Variants in SARM1 observed in about 807,000 individuals in gnomAD.
SARM1 encodes sterile alpha and TIR motif containing 1, also known as NAD(+) hydrolase SARM1.
In SARM1, 60 loss-of-function variants were observed where a neutral mutation model predicts 65.1. The ratio of observed to expected loss-of-function variants is 0.92; its 90% CI spans 0.75 to 1.14. The LOEUF (loss-of-function observed/expected upper bound fraction) is 1.14. Among genes scored for constraint, SARM1 ranks in the 50% most tolerant of loss-of-function variants. SARM1 has a pLI of 0.00. For synonymous variants in SARM1, 417 were observed against 465.4 expected, an observed-to-expected ratio of 0.90 and a Z score of 1.34; for missense variants, 913 against 1,015.7, an observed-to-expected ratio of 0.90 and a Z score of 1.37.
Position 28,388,927 on chromosome 17 carries a change from C to A in SARM1, c.1923+388C>A, listed in dbSNP as rs572988331. Among the ~76,000 whole-genome samples the A allele has an allele frequency of 1.7e-4, 26 of 152,092 alleles. 1 individual carries two copies. The highest frequency in any genetic ancestry group is 6.3e-4 in the African/African-American group (26 of 41,480). On this transcript the variant is annotated intron_variant, in intron 7 of 8. Transcript: ENST00000585482. The stretch of plus-strand genomic sequence containing the variant: ...CTGGGACTACAGGTGCCCGCCACCA[C>A]GGCTGGCTAATTTTTTTGTATTTTT...
chr17:28,385,040 G>T lies in SARM1; in HGVS notation c.1395G>T (p.Arg465Ser), dbSNP rs1210258116. ...GCGTCTTCTCCTCCGTGGGGTGCAG[G>T]TTCTTTAGGGAGCTCACGGAGCTCA... is the stretch of plus-strand genomic sequence containing the variant. ...LGMKSGITRK[R>S]FFRELTELKT... Residue 465 changes from arginine (R) to serine (S), a missense_variant and splice_region_variant, in exon 5 of 9, where the codon AGG (arginine) becomes AGT (serine). By Grantham distance (110) the Arg-to-Ser change is moderately radical. Around this residue, in one of 3 missense-constraint regions of SARM1, gnomAD observed 862 missense variants for 952.1 expected, o/e 0.91. Transcript: ENST00000585482. This position sits in a 1 kb window ranked among gnomAD's most constrained non-coding sequence, Gnocchi z 4.5. The T allele has an allele frequency of 6.2e-7, 1 of 1,612,970 alleles. No homozygotes were observed. Among genetic ancestry groups the T allele is most frequent in the African/African-American group, 1.3e-5 (1 of 74,908 alleles).
intron 7 of SARM1, among the ~76,000 whole-genome samples, chr17:28,390,391 CCT>C (rs1555586701): frequency 6.6e-6 from 1 of 151,896 alleles, no homozygotes; most frequent in East Asian, 1.9e-4. Flanking sequence ...TTGATTATCT[CCT>C]GAGTCCGGAA....
Position 28,381,680 on chromosome 17 carries a change from C to A in SARM1, c.948C>A (p.Ser316Arg), listed in dbSNP as rs782362670. Residue 316 changes from serine (S) to arginine (R), a missense_variant, in exon 2 of 9, where the codon AGC (serine) becomes AGA (arginine). By Grantham distance (110) the Ser-to-Arg change is moderately radical (BLOSUM62 -1). Transcript: ENST00000585482. Reference sequence around the variant, plus strand: ...TCGCCCGCTGTCTGGTGGACGCCAGCGACACAAGCCAGGGCCGCGGGCCCG... The same window carrying A: ...TCGCCCGCTGTCTGGTGGACGCCAGAGACACAAGCCAGGGCCGCGGGCCCG... ...GRFARCLVDA[S>R]DTSQGRGPDD... 1.5e-5 allele frequency: 23 copies of A among 1,559,506 alleles called. No homozygotes were observed. In the South Asian group the frequency reaches 2.5e-4, roughly 17 times the overall value.
chr17:28,382,986 C>T lies in SARM1; in HGVS notation c.1089+1165C>T, dbSNP rs117115849. ...GAGATGTGGTGCATACCCCATGACC[C>T]ACCTTGTCTGTACCCCAGCTGTCAT... On this transcript the variant is annotated intron_variant, in intron 2 of 8. Coordinates refer to ENST00000585482, the MANE Select transcript of SARM1 (RefSeq NM_015077.4). 8.8e-4 allele frequency among the ~76,000 whole-genome samples: 134 copies of T among 152,336 alleles called. 3 individuals carry two copies. The East Asian group carries it at 0.025, about 28-fold the overall frequency.
chr17:28,394,985 T>C (rs1019866878), intron 7 of SARM1: 7 of 151,024 alleles, frequency 4.6e-5, no homozygotes, highest in African/African-American at 1.7e-4. Context: ...GGGAGTCTTA[T>C]CTCTGGTGCC....
rs1555586435 is a variant in SARM1, at chr17:28,388,530, G to A, written c.1914G>A (p.Trp638Ter). 1.2e-6 allele frequency: 2 copies of A among 1,613,032 alleles called. No individual in the cohort carries two copies. The highest frequency in any genetic ancestry group is 1.3e-5 in the African/African-American group (1 of 75,034). Residue 638 changes from tryptophan (W) to a stop codon, truncating the protein, a stop_gained, in exon 7 of 9, where the codon TGG (tryptophan) becomes TGA (stop). Transcript: ENST00000585482. LOFTEE classifies it high-confidence loss of function. ...TGCAAGACCATGACTGCAAGGATTG[G>A]GTGCATAAGGTAGGTGCCTGCCTAT... is the stretch of plus-strand genomic sequence containing the variant. ...KCMQDHDCKDWVHKEIVTALS... is the reference protein window; with the variant it reads ...KCMQDHDCKD
chr17:28,379,369 G>A (rs1215415068), intron 1 of SARM1, among the ~76,000 whole-genome samples: 1 of 133,276 alleles, frequency 7.5e-6, no homozygotes, highest in Non-Finnish European at 1.5e-5. Flanking sequence ...GGAGTGCAGT[G>A]GTGCCATCTT....
intron 7 of SARM1, among the ~76,000 whole-genome samples, chr17:28,394,006 G>A (rs1456936950): frequency 1.3e-5 from 2 of 152,222 alleles, no homozygotes; most frequent in Admixed American, 6.5e-5. Context: ...TTATCAAGGG[G>A]GAAGGACAAG....
Position 28,381,227 on chromosome 17 carries a change from G to A in SARM1, c.495G>A (p.Leu165=). 6.2e-7 allele frequency: 1 copy of A among 1,609,830 alleles called. No individual in the cohort carries two copies. The part of the protein sequence containing the change: ...ENRDRVARIG[L]GVILNLAKER... ...GAGACCGCGTGGCGCGCATTGGGCT[G>A]GGCGTGATCCTGAACCTGGCGAAGG... Residue 165 remains leucine, a synonymous_variant, in exon 2 of 9, where the codon CTG becomes CTA. Transcript: ENST00000585482.
rs1275538186 is a variant in SARM1, at chr17:28,397,261, T to A, written c.*975T>A. 6.6e-6 allele frequency: 1 copy of A among 152,472 alleles called. No homozygotes were observed. The highest frequency in any genetic ancestry group is 1.5e-5 in the Non-Finnish European group (1 of 68,078). 9.4% of individuals were successfully genotyped at this position (152,472 alleles called of 1,614,324 possible). A position where few individuals can be genotyped will look rare whatever the true frequency, so the allele number is the denominator to read the frequency against. On this transcript the variant is annotated 3_prime_UTR_variant, in exon 9 of 9. Transcript: ENST00000585482. ...GTCACTTAGGGCAGCTTCTCCAACT[T>A]TAACATGCATCCAAGTCACCTGGGA...
At chr17:28,393,691 C>G (rs1022100578) in intron 7 of SARM1, among the ~76,000 whole-genome samples, 3 of 152,180 alleles carry the variant, frequency 2.0e-5, no homozygotes, top group African/African-American at 7.2e-5. Context: ...GAGTGCAGCC[C>G]TAACTGCTGT....
At position 28,399,441 on chromosome 17, in the gene SARM1, G is replaced by A; in HGVS notation, c.*3155G>A. On this transcript the variant is annotated 3_prime_UTR_variant, in exon 9 of 9. Transcript: ENST00000585482. ...TCCTCTGCCACCTGTCCTGCAGTGGGCCTGTGTGGGTTATGATTCTAGATC... is the reference window on the plus strand; with the variant it reads ...TCCTCTGCCACCTGTCCTGCAGTGGACCTGTGTGGGTTATGATTCTAGATC... The A allele has an allele frequency of 1.7e-6, 1 of 584,656 alleles. No individual in the cohort carries two copies. The highest frequency in any genetic ancestry group is 3.0e-6 in the Non-Finnish European group (1 of 327,870). 36.2% of individuals were successfully genotyped at this position (584,656 alleles called of 1,614,324 possible).
intron 1 of SARM1, among the ~76,000 whole-genome samples, chr17:28,376,151 GA>G (rs1460882090): frequency 3.3e-5 from 5 of 152,120 alleles, no homozygotes; most frequent in Non-Finnish European, 7.3e-5. Flanking sequence ...GGTGCATAGG[GA>G]AAAGTGAGGG....
chr17:28,400,695 G>A lies in SARM1; in HGVS notation c.*4409G>A, dbSNP rs782201123. Reference sequence around the variant, plus strand: ...ATAAAGTTCAGAGTGGCTGGGTAGAGTGAGTTGAAGATGCCGGAGGCCGTC... The same window carrying A: ...ATAAAGTTCAGAGTGGCTGGGTAGAATGAGTTGAAGATGCCGGAGGCCGTC... On this transcript the variant is annotated 3_prime_UTR_variant, in exon 9 of 9. Transcript: ENST00000585482. 2.5e-6 allele frequency: 4 copies of A among 1,611,710 alleles called. No individual in the cohort carries two copies. In the South Asian group the frequency reaches 4.4e-5, roughly 18 times the overall value.
chr17:28,376,677 C>T (rs1252341983), intron 1 of SARM1, among the ~76,000 whole-genome samples: 1 of 152,126 alleles, frequency 6.6e-6, no homozygotes, highest in Non-Finnish European at 1.5e-5. Context: ...TCTATGTTGC[C>T]CAGGCTGGTC....
Position 28,385,589 on chromosome 17 carries a change from T to G in SARM1, c.1630+314T>G. 2.4e-6 allele frequency: 1 copy of G among 423,680 alleles called. No homozygotes were observed. Among genetic ancestry groups the G allele is most frequent in the Non-Finnish European group, 4.2e-6 (1 of 236,256 alleles). The allele number at this position is 423,680 out of a possible 1,614,324, so 26.2% of individuals were successfully genotyped here. ...CCACCCCATCCACCCAGGTCTAGAT[T>G]TCAGAGAGGACAGGATGCCTGACCA... On this transcript the variant is annotated intron_variant, in intron 5 of 8. Coordinates refer to ENST00000585482, the MANE Select transcript of SARM1 (RefSeq NM_015077.4). This position sits in a 1 kb window ranked among gnomAD's most constrained non-coding sequence, Gnocchi z 4.5.
chr17:28,400,541 GGGA>G lies in SARM1; in HGVS notation c.*4260_*4262del, dbSNP rs1857123173. The stretch of plus-strand genomic sequence containing the variant: ...AGGAATGAAGCTGCCATTTCTGGTT[GGGA>G]GGAGAAGAGGAAACTTTTAAGAGAA... On this transcript the variant is annotated 3_prime_UTR_variant, in exon 9 of 9. Coordinates refer to ENST00000585482, the MANE Select transcript of SARM1 (RefSeq NM_015077.4). 1 of 1,578,324 alleles carries G rather than the reference GGGA, an allele frequency of 6.3e-7. No individual in the cohort carries two copies. The highest frequency in any genetic ancestry group is 2.3e-5 in the East Asian group (1 of 43,970).
intron 1 of SARM1, among the ~76,000 whole-genome samples, chr17:28,374,970 CAAAAAAAAAAAAA>C (rs35032822): frequency 2.8e-5 from 2 of 70,434 alleles, no homozygotes; most frequent in Admixed American, 1.9e-4. Context: ...CAGACCTTGT[CAAAAAAAAAAAAA>C]AAAAAAAAAA....
chr17:28,396,159 G>A lies in SARM1; in HGVS notation c.2048G>A (p.Trp683Ter), dbSNP rs2068120278. Residue 683 changes from tryptophan (W) to a stop codon, truncating the protein, a stop_gained and splice_region_variant, in exon 9 of 9, where the codon TGG becomes TAG. Coordinates refer to ENST00000585482, the MANE Select transcript of SARM1 (RefSeq NM_015077.4). LOFTEE classifies it high-confidence loss of function. ...CACATTGGCTCCTGTGCCCACAGGTGGTCCCACGAATACCAGGAGGCCACC... is the reference window on the plus strand; with the variant it reads ...CACATTGGCTCCTGTGCCCACAGGTAGTCCCACGAATACCAGGAGGCCACC... ...QAVLTFNGIKWSHEYQEATIE... is the reference protein window; with the variant it reads ...QAVLTFNGIK 3 of 1,613,934 alleles carry A rather than the reference G, an allele frequency of 1.9e-6. No individual in the cohort carries two copies. The highest frequency in any genetic ancestry group is 2.5e-6 in the Non-Finnish European group (3 of 1,179,872).
Sources: allele counts gnomAD v4.1 joint callset (sites outside exome capture counted in the v4.1 genomes callset), GRCh38; gene constraint gnomAD v4.1.1; regional missense constraint gnomAD v4.1.1; non-coding constraint Gnocchi (gnomAD v3.1); transcripts MANE v1.5; gene names NCBI Gene and HGNC (gene_info 2026-07-23, HGNC 2026-07-21).